Variants in PRKN observed in about 807,000 individuals in gnomAD.
PRKN encodes parkin RBR E3 ubiquitin protein ligase.
In PRKN, 56 loss-of-function variants were observed where a neutral mutation model predicts 59.5. The ratio of observed to expected loss-of-function variants is 0.94; its 90% confidence interval spans 0.76 to 1.18. The LOEUF (loss-of-function observed/expected upper bound fraction) is 1.18. Among genes scored for constraint, PRKN ranks in the 50% most tolerant of loss-of-function variants. The pLI is 0.00. For synonymous variants in PRKN, 250 were observed against 222.1 expected (o/e 1.13, Z -1.12); for missense variants, 657 against 596.4 (o/e 1.10, Z -1.06).
intron 1 of PRKN, among the ~76,000 whole-genome samples, chr6:162,667,951 G>C (rs1779167173): frequency 6.6e-6 from 1 of 152,070 alleles, no homozygotes; most frequent in South Asian, 2.1e-4. Context: ...GATTTACATA[G>C]CATTAATAAG....
At position 161,443,047 on chromosome 6, in the gene PRKN, C is replaced by T. The variant is rs540652447; in HGVS notation, c.1084-56170G>A. Among the ~76,000 whole-genome samples the T allele has an allele frequency of 5.3e-5, 8 of 152,262 alleles. No homozygotes were observed. The East Asian group carries it at 5.8e-4, about 11-fold the overall frequency. On this transcript the variant is annotated intron_variant, in intron 9 of 11. Coordinates refer to ENST00000366898, the MANE Select transcript of PRKN (RefSeq NM_004562.3). The stretch of plus-strand genomic sequence containing the variant: ...GCGAGGCCGGGCGCGGTGGCTCATG[C>T]TTGTAATACCAGCACTTTGGGAGGC...
chr6:162,644,777 A>G (rs1778099281), intron 1 of PRKN, among the ~76,000 whole-genome samples: 1 of 152,212 alleles, frequency 6.6e-6, no homozygotes, highest in Non-Finnish European at 1.5e-5. Context: ...TCTGAAAGCA[A>G]TACGGTATAC....
chr6:162,108,639 G>T (rs1562518424), intron 4 of PRKN, among the ~76,000 whole-genome samples: 1 of 152,156 alleles, frequency 6.6e-6, no homozygotes, highest in Non-Finnish European at 1.5e-5. Context: ...GTGTGACAGG[G>T]TTAGTTAAAC....
At chr6:162,226,614 A>T (rs990765140) in intron 3 of PRKN, among the ~76,000 whole-genome samples, 1 of 152,098 alleles carries the variant, frequency 6.6e-6, no homozygotes, top group African/African-American at 2.4e-5. Flanking sequence ...GCTTACTGCA[A>T]TCTCCGCCTC....
Position 162,461,592 on chromosome 6 carries a change from G to C in PRKN, c.8-18119C>G, listed in dbSNP as rs148231041. On this transcript the variant is annotated intron_variant, in intron 1 of 11. Coordinates refer to ENST00000366898, the MANE Select transcript of PRKN (RefSeq NM_004562.3). ...GACCAGCACTTTGGGAGGCCGAGGT[G>C]GGTGGATCACTTGAGGTCAAGAGTT... Among the ~76,000 whole-genome samples the C allele has an allele frequency of 2.3e-3, 344 of 151,256 alleles. 3 individuals carry two copies. The highest frequency in any genetic ancestry group is 7.8e-3 in the African/African-American group (323 of 41,230).
At chr6:162,712,985 T>A (rs901823551) in intron 1 of PRKN, among the ~76,000 whole-genome samples, 4 of 151,808 alleles carry the variant, frequency 2.6e-5, no homozygotes, top group Admixed American at 2.0e-4. Context: ...CACACTAGAG[T>A]GTGGAGGAGA....
intron 6 of PRKN, among the ~76,000 whole-genome samples, chr6:161,920,868 T>G (rs2155490): frequency 0.58 from 87,376 of 151,818 alleles, 25,499 homozygotes; most frequent in African/African-American, 0.69. Context: ...GCTCTCCTGA[T>G]TCAGTGAGTG....
At chr6:161,911,210 A>T (rs1472332349) in intron 6 of PRKN, among the ~76,000 whole-genome samples, 1 of 152,180 alleles carries the variant, frequency 6.6e-6, no homozygotes, top group Non-Finnish European at 1.5e-5. Flanking sequence ...CATCCTATGG[A>T]GGCTGCCCAG....
chr6:162,534,189 C>T (rs1488584007), intron 1 of PRKN, among the ~76,000 whole-genome samples: 1 of 152,066 alleles, frequency 6.6e-6, no homozygotes, highest in African/African-American at 2.4e-5. Context: ...TGTGATTCTT[C>T]GCCATCTTAC....
intron 7 of PRKN, among the ~76,000 whole-genome samples, chr6:161,707,165 C>T (rs1786536293): frequency 6.6e-6 from 1 of 152,018 alleles, no homozygotes; most frequent in Admixed American, 6.6e-5. Context: ...GGATATTATA[C>T]CATCTAGTTA....
In PRKN at chr6:161,484,215, C is replaced by G. The variant is rs1791550479; in HGVS notation, c.1083+64639G>C. 6.6e-6 allele frequency among the ~76,000 whole-genome samples: 1 copy of G among 152,034 alleles called. No individual in the cohort carries two copies. The highest frequency in any genetic ancestry group is 6.6e-5 in the Admixed American group (1 of 15,244). The stretch of plus-strand genomic sequence containing the variant: ...AAGAAAATTTTAAAAAAAGACCCTG[C>G]CTGGCAGGGTTTCAGCTTAAAGAAA... On this transcript the variant is annotated intron_variant, in intron 9 of 11. Coordinates refer to ENST00000366898, the MANE Select transcript of PRKN (RefSeq NM_004562.3). The surrounding 1 kb of genome is among the most constrained non-coding windows in gnomAD (Gnocchi z 4.9).
At chr6:162,085,408 A>G (rs1202529360) in intron 4 of PRKN, among the ~76,000 whole-genome samples, 1 of 152,090 alleles carries the variant, frequency 6.6e-6, no homozygotes, top group Non-Finnish European at 1.5e-5. Context: ...ATATTTGACT[A>G]TTCAGTTATT....
chr6:162,158,132 G>T (rs747744123), intron 4 of PRKN, among the ~76,000 whole-genome samples: 2 of 152,014 alleles, frequency 1.3e-5, no homozygotes, highest in Non-Finnish European at 2.9e-5. Context: ...ATAATACAAG[G>T]CTGTTAAATA....
In PRKN at chr6:161,445,795, T is replaced by TTTCCCTTCCCTTCCC. The variant is rs11272825; in HGVS notation, c.1084-58933_1084-58919dup. On this transcript the variant is annotated intron_variant, in intron 9 of 11. Transcript: ENST00000366898. The surrounding 1 kb of genome is among the most constrained non-coding windows in gnomAD (Gnocchi z 7.7). ...GGCCGCCAGCAAAGAATACAAGGGG[T>TTTCCCTTCCCTTCCC]TTCCCTTCCCTTCCCTTCCCTTCCC... Among the ~76,000 whole-genome samples, 1,540 of 149,364 alleles carry TTTCCCTTCCCTTCCC rather than the reference T, an allele frequency of 0.01. 19 individuals are homozygous for TTTCCCTTCCCTTCCC. The highest frequency in any genetic ancestry group is 0.05 in the East Asian group (235 of 4,702).
intron 2 of PRKN, among the ~76,000 whole-genome samples, chr6:162,375,984 T>A (rs75795043): frequency 0.015 from 2,314 of 152,108 alleles, 36 homozygotes; most frequent in Non-Finnish European, 0.023. Flanking sequence ...TTAATCACCA[T>A]CCTCCCTGGG....
intron 5 of PRKN, among the ~76,000 whole-genome samples, chr6:161,986,751 T>A (rs1583443501): frequency 6.8e-6 from 1 of 148,076 alleles, no homozygotes; most frequent in East Asian, 2.0e-4. Context: ...ATTTGGAAAA[T>A]CCCCCCCACT....
chr6:161,358,844 G>T (rs1265648641), intron 11 of PRKN, among the ~76,000 whole-genome samples: 1 of 137,838 alleles, frequency 7.3e-6, no homozygotes, highest in Non-Finnish European at 1.5e-5. Context: ...GCCCAGGCTG[G>T]AGTGCAGTGG....
intron 4 of PRKN, among the ~76,000 whole-genome samples, chr6:162,057,873 G>A (rs1336492668): frequency 6.6e-6 from 1 of 152,196 alleles, no homozygotes; most frequent in South Asian, 2.1e-4. Flanking sequence ...TGTGAGTAGT[G>A]TGGATAAATT....
intron 7 of PRKN, among the ~76,000 whole-genome samples, chr6:161,663,158 G>A (rs1243059596): frequency 3.9e-5 from 6 of 152,324 alleles, no homozygotes; most frequent in South Asian, 2.1e-4. Flanking sequence ...TCCCAGTCAC[G>A]TGGAACTGTG....
Sources: gnomAD v4.1 joint callset for allele counts (sites outside exome capture counted in the v4.1 genomes callset) on GRCh38, gnomAD v4.1.1 for gene constraint, Gnocchi (gnomAD v3.1) non-coding constraint, MANE v1.5 for transcripts, NCBI Gene and HGNC (gene_info 2026-07-23, HGNC 2026-07-21) for gene names.